Variants in RAB3IP observed in about 807,000 individuals in gnomAD.
RAB3IP encodes the protein rab-3A-interacting protein.
In RAB3IP, 36 loss-of-function variants were observed where a neutral mutation model predicts 59.1. The ratio of observed to expected loss-of-function variants is 0.61; its 90% confidence interval spans 0.47 to 0.80. The LOEUF is 0.80. Among genes scored for constraint, RAB3IP ranks in the 30% least tolerant of loss-of-function variants. RAB3IP has a pLI of 0.00. For missense variants in RAB3IP, 511 were observed against 536.0 expected (o/e 0.95, Z 0.46); for synonymous variants, 207 against 191.2 (o/e 1.08, Z -0.68).
Position 69,816,415 on chromosome 12 carries a change from A to T in RAB3IP, c.*969A>T, listed in dbSNP as rs1881144294. The T allele has an allele frequency of 6.6e-6, 1 of 152,230 alleles. No homozygotes were observed. Among genetic ancestry groups the T allele is most frequent in the African/African-American group, 2.4e-5 (1 of 41,450 alleles). 9.4% of individuals were successfully genotyped at this position (152,230 alleles called of 1,614,324 possible). ...TTTGGATAGTAGCCTTTCAGCTTTC[A>T]GATATTTTCTACTTACATATGCATA... On this transcript the variant is annotated 3_prime_UTR_variant, in exon 11 of 11. Transcript: ENST00000247833.
At chr12:69,806,736 G>C (rs540845352) in intron 8 of RAB3IP, among the ~76,000 whole-genome samples, 1 of 152,180 alleles carries the variant, frequency 6.6e-6, no homozygotes, top group East Asian at 1.9e-4. Flanking sequence ...GCCTTCCGCA[G>C]TGTTTGTGTC....
intron 1 of RAB3IP, among the ~76,000 whole-genome samples, chr12:69,740,074 G>A (rs552787078): frequency 1.3e-5 from 2 of 152,278 alleles, no homozygotes; most frequent in East Asian, 1.9e-4. Context: ...GGGCCCATAA[G>A]AGGATTACAA....
intron 3 of RAB3IP, among the ~76,000 whole-genome samples, chr12:69,759,479 G>A (rs1355304127): frequency 1.3e-5 from 2 of 151,844 alleles, no homozygotes. Flanking sequence ...ATCATGGCCC[G>A]TTCTCAATGA....
chr12:69,784,901 AT>A, intron 4 of RAB3IP, 86 bp downstream of exon 4: 1 of 757,874 alleles, frequency 1.3e-6, no homozygotes, highest in Non-Finnish European at 2.3e-6. Flanking sequence ...CTTGAAAAAT[AT>A]TTGCTTAGCT....
Position 69,805,393 on chromosome 12 carries a change from T to C in RAB3IP, c.1130+3672T>C, listed in dbSNP as rs1056012483. ...GTTGCTTATCAGCTTAAGGAGATTT[T>C]GGGCTGAGACGATGGGGTTTTCTAT... On this transcript the variant is annotated intron_variant, in intron 8 of 10. Coordinates refer to ENST00000247833, the MANE Select transcript of RAB3IP (RefSeq NM_022456.5). Among the ~76,000 whole-genome samples the C allele has an allele frequency of 3.3e-5, 5 of 152,160 alleles. No individual in the cohort carries two copies. In the East Asian group the frequency reaches 7.7e-4, roughly 24 times the overall value.
chr12:69,756,245 A>G (rs1240940256), intron 2 of RAB3IP, among the ~76,000 whole-genome samples, 160 bp from the exon 3 acceptor site: 1 of 152,192 alleles, frequency 6.6e-6, no homozygotes, highest in Non-Finnish European at 1.5e-5. Flanking sequence ...ACATGTAGCT[A>G]TTGAGCACTT....
In RAB3IP at chr12:69,755,585, T is replaced by C. The variant is rs1243230297; in HGVS notation, c.177T>C (p.Asp59=). The change falls in exon 2 of 11, where the codon GAT becomes GAC. Residue 59 remains aspartate, a synonymous_variant. Coordinates refer to ENST00000247833, the MANE Select transcript of RAB3IP (RefSeq NM_022456.5). ...SSVPIQANAL[D]VSELPTQPVY... ...TACCTATCCAGGCAAATGCATTAGATGTTTCTGAACTTCCTACACAACCCG... is the reference window on the plus strand; with the variant it reads ...TACCTATCCAGGCAAATGCATTAGACGTTTCTGAACTTCCTACACAACCCG... 5.6e-6 allele frequency: 9 copies of C among 1,614,090 alleles called. No individual in the cohort carries two copies. Among genetic ancestry groups the C allele is most frequent in the Middle Eastern group, 1.6e-4 (1 of 6,062 alleles).
Position 69,815,601 on chromosome 12 carries a change from G to C in RAB3IP, c.*155G>C. On this transcript the variant is annotated 3_prime_UTR_variant, in exon 11 of 11. Coordinates refer to ENST00000247833, the MANE Select transcript of RAB3IP (RefSeq NM_022456.5). ...GAAGTACCATGATTTCTTTTAAACT[G>C]ATCTATGCTGTGTTTGCTTATTCTT... is the stretch of plus-strand genomic sequence containing the variant. 1 of 526,830 alleles carries C rather than the reference G, an allele frequency of 1.9e-6. No homozygotes were observed. Among genetic ancestry groups the C allele is most frequent in the Non-Finnish European group, 3.4e-6 (1 of 296,884 alleles). The allele number at this position is 526,830 out of a possible 1,614,324, so 32.6% of individuals were successfully genotyped here.
At chr12:69,766,810 G>A (rs193253639) in intron 3 of RAB3IP, among the ~76,000 whole-genome samples, 63 of 152,286 alleles carry the variant, frequency 4.1e-4, no homozygotes, top group Non-Finnish European at 7.6e-4. Flanking sequence ...ACAGGCATGA[G>A]CCACCATGCC....
rs1198055022 is a variant in RAB3IP, at chr12:69,812,838, A to C, written c.1191A>C (p.Ser397=). 9 of 1,613,094 alleles carry C rather than the reference A, an allele frequency of 5.6e-6. No individual in the cohort carries two copies. Among genetic ancestry groups the C allele is most frequent in the Non-Finnish European group, 6.8e-6 (8 of 1,179,192 alleles). The change falls in exon 9 of 11, where the codon TCA becomes TCC. Residue 397 remains serine, a synonymous_variant. Coordinates refer to ENST00000247833, the MANE Select transcript of RAB3IP (RefSeq NM_022456.5). ...AACACAGAATTAAATTAGGGGACTCAAGCAACTATTATTATATTTCTCCTT... is the reference window on the plus strand; with the variant it reads ...AACACAGAATTAAATTAGGGGACTCCAGCAACTATTATTATATTTCTCCTT... The part of the protein sequence containing the change: ...SCKHRIKLGD[S]SNYYYISPFC...
At chr12:69,782,405 C>T (rs752932329) in intron 3 of RAB3IP, among the ~76,000 whole-genome samples, 7 of 152,268 alleles carry the variant, frequency 4.6e-5, no homozygotes, top group East Asian at 1.9e-4. Context: ...CCTCGTGATC[C>T]GCCCACCTCA....
At chr12:69,767,356 TATACTTG>T (rs1234329915) in intron 3 of RAB3IP, among the ~76,000 whole-genome samples, 1 of 152,212 alleles carries the variant, frequency 6.6e-6, no homozygotes, top group Non-Finnish European at 1.5e-5. Flanking sequence ...CTGCTGGGTA[TATACTTG>T]TTTAATGGTA....
chr12:69,750,077 C>T (rs758247818), intron 1 of RAB3IP, among the ~76,000 whole-genome samples: 14 of 152,146 alleles, frequency 9.2e-5, no homozygotes, highest in Admixed American at 2.0e-4. Flanking sequence ...GTAAGTGTGT[C>T]GTGGTGGTTA....
chr12:69,795,532 C>G (rs867582602), intron 6 of RAB3IP, 188 bp downstream of exon 6: 9 of 600,198 alleles, frequency 1.5e-5, no homozygotes, highest in East Asian at 2.7e-5. Flanking sequence ...CCTGGCTGAC[C>G]TTGGAGTACC....
intron 3 of RAB3IP, among the ~76,000 whole-genome samples, chr12:69,768,197 G>A (rs1342142652): frequency 6.6e-6 from 1 of 152,024 alleles, no homozygotes; most frequent in Non-Finnish European, 1.5e-5. Context: ...AGATGCACAG[G>A]CACTCTGAAT....
intron 5 of RAB3IP, 30 bp downstream of exon 5, chr12:69,794,544 A>C: frequency 6.5e-7 from 1 of 1,545,340 alleles, no homozygotes; most frequent in East Asian, 2.3e-5. Context: ...AATAGTATAA[A>C]ATAAATTTGT....
In RAB3IP at chr12:69,822,064, G is replaced by A. The variant is rs896367719; in HGVS notation, c.*6618G>A. 6.6e-6 allele frequency: 1 copy of A among 152,184 alleles called. No homozygotes were observed. The highest frequency in any genetic ancestry group is 2.4e-5 in the African/African-American group (1 of 41,434). 9.4% of individuals were successfully genotyped at this position (152,184 alleles called of 1,614,324 possible). ...GATCCAGAATCATTACTTGGCAGTG[G>A]ATTATAGTGTGATGACTCATTTCCG... is the stretch of plus-strand genomic sequence containing the variant. On this transcript the variant is annotated 3_prime_UTR_variant, in exon 11 of 11. Coordinates refer to ENST00000247833, the MANE Select transcript of RAB3IP (RefSeq NM_022456.5).
At chr12:69,792,845 A>G (rs1478612349) in intron 4 of RAB3IP, among the ~76,000 whole-genome samples, 1 of 152,220 alleles carries the variant, frequency 6.6e-6, no homozygotes, top group Non-Finnish European at 1.5e-5. Flanking sequence ...TTAAAAACAA[A>G]CAAAAAACTT....
intron 8 of RAB3IP, 43 bp from the exon 9 acceptor site, chr12:69,812,735 T>C: frequency 1.5e-6 from 2 of 1,357,938 alleles, no homozygotes; most frequent in South Asian, 2.5e-5. Context: ...TAGGGGCAAA[T>C]GCTTTTCATT....
Sources: allele counts gnomAD v4.1 joint callset (sites outside exome capture counted in the v4.1 genomes callset), GRCh38; gene constraint gnomAD v4.1.1; transcripts MANE v1.5; gene names NCBI Gene and HGNC (gene_info 2026-07-23, HGNC 2026-07-21).